The following CPLANE1 variants were observed in gnomAD, a reference collection of about 807,000 sequenced individuals.
CPLANE1 encodes the protein ciliogenesis and planar polarity effector 1.
Under a neutral mutation model 362.5 loss-of-function variants are expected in CPLANE1, and 263 were observed. That is an observed-to-expected ratio of 0.73 (90% CI 0.66 to 0.80). The LOEUF (loss-of-function observed/expected upper bound fraction) is 0.80, where lower values mean the gene tolerates loss of function less well. Ranked by LOEUF, CPLANE1 falls within the 30% of genes least tolerant of loss-of-function variation. The probability of loss-of-function intolerance (pLI) is 0.00; values close to 1 mark genes in which losing one functional copy is unlikely to be tolerated. For missense variants in CPLANE1, 3,461 were observed against 3,793.4 expected (o/e 0.91, Z 2.30); for synonymous variants, 1,212 against 1,302.6 (o/e 0.93, Z 1.50).
intron 16 of CPLANE1, chr5:37,211,420 C>T: frequency 2.0e-6 from 3 of 1,512,678 alleles, no homozygotes; most frequent in Non-Finnish European, 2.7e-6. Context: ...ACTTCCAGTT[C>T]CCCGGAAAGA....
chr5:37,125,307 G>T lies in CPLANE1; in HGVS notation c.8895C>A (p.Tyr2965Ter). Residue 2965 changes from tyrosine (Y) to a stop codon, truncating the protein, a stop_gained, in exon 47 of 53, where the codon TAC becomes TAA. Transcript: ENST00000651892. LOFTEE classifies it high-confidence loss of function. ...CTCTCTTTTCTGCCAGCTCATTTAA[G>T]TACTTTGCCATTCTTTCTTTTCGTT... ...KRKRKERMAK[Y>*]LNELAEKRGQ... is the part of the protein sequence containing the mutation. 6.2e-7 allele frequency: 1 copy of T among 1,613,988 alleles called. No individual in the cohort carries two copies. Among genetic ancestry groups the T allele is most frequent in the Non-Finnish European group, 8.5e-7 (1 of 1,179,944 alleles).
intron 46 of CPLANE1, chr5:37,130,727 A>G (rs2150222813): frequency 2.0e-5 from 3 of 153,342 alleles, no homozygotes; most frequent in Middle Eastern, 6.8e-3. Flanking sequence ...ATAAAGTGTA[A>G]TACAGTGGTG....
chr5:37,243,754 AAT>A (rs1043896334), intron 5 of CPLANE1, among the ~76,000 whole-genome samples: 8 of 147,212 alleles, frequency 5.4e-5, no homozygotes, highest in South Asian at 2.1e-4. Flanking sequence ...ATATGCATAT[AAT>A]ATATATAATA....
At chr5:37,133,012 C>T (rs1180962066) in intron 46 of CPLANE1, among the ~76,000 whole-genome samples, 2 of 152,144 alleles carry the variant, frequency 1.3e-5, no homozygotes, top group Non-Finnish European at 2.9e-5. Flanking sequence ...TCTCTCACAA[C>T]CTTTATAGGG....
At chr5:37,101,744 T>G (rs1757302454), downstream of CPLANE1, among the ~76,000 whole-genome samples, 4 of 152,192 alleles carry the variant, frequency 2.6e-5, no homozygotes, top group South Asian at 8.3e-4. Flanking sequence ...CTTATTTTGG[T>G]TGGGAGGCTA....
At chr5:37,232,347 C>G (rs1797898063) in intron 8 of CPLANE1, among the ~76,000 whole-genome samples, 1 of 151,928 alleles carries the variant, frequency 6.6e-6, no homozygotes, top group Non-Finnish European at 1.5e-5. Context: ...GAAACCCCGT[C>G]TCCACTAAAA....
intron 43 of CPLANE1, 46 bp downstream of exon 43, chr5:37,148,135 T>C: frequency 2.1e-6 from 3 of 1,414,462 alleles, no homozygotes; most frequent in Non-Finnish European, 3.0e-6. Context: ...TTCTTTCAGA[T>C]CAACTAAAGC....
intron 47 of CPLANE1, among the ~76,000 whole-genome samples, chr5:37,124,021 G>A (rs886320259): frequency 2.6e-5 from 4 of 151,576 alleles, no homozygotes; most frequent in Admixed American, 2.0e-4. Context: ...TACCTCAGTA[G>A]CCCTGAAGGT....
Position 37,112,037 on chromosome 5 carries a change from A to G in CPLANE1, c.9400+2923T>C, listed in dbSNP as rs557871659. On this transcript the variant is annotated intron_variant, in intron 51 of 52. Coordinates refer to ENST00000651892, the MANE Select transcript of CPLANE1 (RefSeq NM_001384732.1). ...GTGGGGTGCTGAAGTTATTCCTTCA[A>G]GTATTCACGATATGACTAGAGATCA... Among the ~76,000 whole-genome samples, 5 of 152,346 alleles carry G rather than the reference A, an allele frequency of 3.3e-5. No individual in the cohort carries two copies. The South Asian group carries it at 8.3e-4, about 25-fold the overall frequency.
intron 44 of CPLANE1, chr5:37,140,898 G>A (rs1769516493): frequency 1.0e-6 from 1 of 970,718 alleles, no homozygotes; most frequent in Non-Finnish European, 1.2e-6. Context: ...TAGTGTTAGT[G>A]TATTTTATGT....
At chr5:37,211,443 G>C (rs1386648243) in intron 16 of CPLANE1, 85 of 1,483,786 alleles carry the variant, frequency 5.7e-5, no homozygotes, top group Non-Finnish European at 1.8e-6. Flanking sequence ...TATTTTTGCA[G>C]AGGACAGAGT....
At chr5:37,231,898 G>T (rs748818598) in intron 8 of CPLANE1, among the ~76,000 whole-genome samples, 25 of 152,064 alleles carry the variant, frequency 1.6e-4, no homozygotes, top group Non-Finnish European at 2.5e-4. Flanking sequence ...GAAAATGACA[G>T]ACACTAAATC....
In CPLANE1 at chr5:37,182,823, T is replaced by C; in HGVS notation, c.5358A>G (p.Thr1786=). The change falls in exon 26 of 53, where the codon ACA becomes ACG. Residue 1786 remains threonine, a synonymous_variant. Coordinates refer to ENST00000651892, the MANE Select transcript of CPLANE1 (RefSeq NM_001384732.1). ...AGGGTTGTTCCAAAAGCCATAATGA[T>C]GTAAGAATGGCAGCTGTAGAGGTCT... is the stretch of plus-strand genomic sequence containing the variant. ...RVKTSTAAIL[T]SLWLLEQPYF... is the part of the protein sequence containing the mutation. 1.2e-6 allele frequency: 2 copies of C among 1,613,744 alleles called. No homozygotes were observed. The highest frequency in any genetic ancestry group is 1.7e-6 in the Non-Finnish European group (2 of 1,179,888).
chr5:37,180,161 T>TC lies in CPLANE1; in HGVS notation c.5592_5593insG (p.Asn1865GlufsTer3), dbSNP rs1175528455. On this transcript the variant is annotated frameshift_variant, in exon 28 of 53. Transcript: ENST00000651892. LOFTEE classifies it high-confidence loss of function. Reference sequence around the variant, plus strand: ...TCATTGATTTCTTTTATATCAGGATTTTTTGCTTCAGTTGGCATTCTACTG... The same window carrying TC: ...TCATTGATTTCTTTTATATCAGGATTCTTTTGCTTCAGTTGGCATTCTACTG... The TC allele has an allele frequency of 2.4e-5, 36 of 1,525,080 alleles. No individual in the cohort carries two copies. Among genetic ancestry groups the TC allele is most frequent in the Non-Finnish European group, 3.2e-5 (36 of 1,137,610 alleles). 94.5% of individuals were successfully genotyped at this position (1,525,080 alleles called of 1,614,324 possible). A position where few individuals can be genotyped will look rare whatever the true frequency, so the allele number is the denominator to read the frequency against.
intron 17 of CPLANE1, 48 bp downstream of exon 17, chr5:37,206,149 T>C (rs1340255104): frequency 2.5e-6 from 3 of 1,180,614 alleles, no homozygotes; most frequent in South Asian, 2.7e-5. Flanking sequence ...AAATATAAAA[T>C]ACATAGTTCA....
At chr5:37,078,235 C>T in the CPLANE1 span, among the ~76,000 whole-genome samples, 2 of 152,076 alleles carry the variant, frequency 1.3e-5, no homozygotes, top group African/African-American at 2.4e-5. Context: ...GCGTGTTGTT[C>T]CCCCTATGTG....
intron 31 of CPLANE1, among the ~76,000 whole-genome samples, chr5:37,174,499 C>T (rs1780624228): frequency 6.6e-6 from 1 of 151,698 alleles, no homozygotes; most frequent in Non-Finnish European, 1.5e-5. Context: ...TTTAAATGTA[C>T]CATAAACCCT....
intron 51 of CPLANE1, among the ~76,000 whole-genome samples, chr5:37,113,011 C>G (rs1306260063): frequency 6.6e-6 from 1 of 152,144 alleles, no homozygotes; most frequent in Non-Finnish European, 1.5e-5. Context: ...ATCTGTTGAA[C>G]TAGACATTGC....
chr5:37,179,216 CATGGCTAT>C (rs1222880017), intron 29 of CPLANE1, 137 bp downstream of exon 29: 5 of 595,866 alleles, frequency 8.4e-6, no homozygotes, highest in Non-Finnish European at 1.2e-5. Context: ...TGCCACACAG[CATGGCTAT>C]ATTCTACAAC....
Sources: gnomAD v4.1 joint callset for allele counts (sites outside exome capture counted in the v4.1 genomes callset) on GRCh38, gnomAD v4.1.1 for gene constraint, MANE v1.5 for transcripts, NCBI Gene and HGNC (gene_info 2026-07-23, HGNC 2026-07-21) for gene names.